Variants in ECRG4 observed in about 807,000 individuals in gnomAD.
The protein encoded by ECRG4 is augurin.
In ECRG4, 18 loss-of-function variants were observed where a neutral mutation model predicts 15.8. The observed-to-expected ratio is 1.14, with a 90% confidence interval of 0.79 to 1.69. The LOEUF (loss-of-function observed/expected upper bound fraction) is 1.69, where lower values mean the gene tolerates loss of function less well. Among genes scored for constraint, ECRG4 ranks in the 40% most tolerant of loss-of-function variants. The pLI is 0.00. For missense variants in ECRG4, 200 were observed against 190.9 expected (o/e 1.05, Z -0.28); for synonymous variants, 82 against 73.9 (o/e 1.11, Z -0.56).
chr2:106,070,564 T>A (rs1676339132), intron 1 of ECRG4, among the ~76,000 whole-genome samples: 1 of 152,232 alleles, frequency 6.6e-6, no homozygotes, highest in South Asian at 2.1e-4. Flanking sequence ...TGTTTATGGA[T>A]ATATTCTTCG....
intron 2 of ECRG4, chr2:106,072,259 G>A (rs62147776): frequency 2.3e-3 from 412 of 180,236 alleles, no homozygotes; most frequent in Non-Finnish European, 3.4e-3. Context: ...GCAGTGTTGC[G>A]GTAGTCCGTG....
intron 1 of ECRG4, among the ~76,000 whole-genome samples, chr2:106,070,013 C>T (rs993172847): frequency 6.6e-6 from 1 of 152,214 alleles, no homozygotes; most frequent in African/African-American, 2.4e-5. Context: ...CCAGCAGACT[C>T]CCAGCTCTCA....
Position 106,073,934 on chromosome 2 carries a change from A to T in ECRG4, c.176A>T (p.Lys59Ile). The T allele has an allele frequency of 3.1e-6, 5 of 1,614,228 alleles. No individual in the cohort carries two copies. The highest frequency in any genetic ancestry group is 4.2e-6 in the Non-Finnish European group (5 of 1,180,040). Residue 59 changes from lysine (K) to isoleucine (I), a missense_variant, in exon 3 of 4, where the codon AAA becomes ATA. Coordinates refer to ENST00000238044, the MANE Select transcript of ECRG4 (RefSeq NM_032411.3). The part of the protein sequence containing the change: ...TKVAVDENKA[K>I]EFLGSLKRQK... ...GTGGCCGTTGATGAGAATAAAGCCAAAGAATTCCTTGGCAGCCTGAAGCGC... is the reference window on the plus strand; with the variant it reads ...GTGGCCGTTGATGAGAATAAAGCCATAGAATTCCTTGGCAGCCTGAAGCGC...
Position 106,078,001 on chromosome 2 carries a change from T to A in ECRG4, c.*75T>A. ...GTATCTCCTAATGCCTTACACTACT[T>A]GGTTTCTGATTTGCTCTATTTCAGC... On this transcript the variant is annotated 3_prime_UTR_variant, in exon 4 of 4. Coordinates refer to ENST00000238044, the MANE Select transcript of ECRG4 (RefSeq NM_032411.3). The A allele has an allele frequency of 7.1e-7, 1 of 1,403,194 alleles. No individual in the cohort carries two copies. The highest frequency in any genetic ancestry group is 2.4e-5 in the Admixed American group (1 of 41,458). 86.9% of individuals were successfully genotyped at this position (1,403,194 alleles called of 1,614,324 possible).
At chr2:106,073,462 C>G (rs999355754) in intron 2 of ECRG4, among the ~76,000 whole-genome samples, 1 of 152,174 alleles carries the variant, frequency 6.6e-6, no homozygotes. Flanking sequence ...GAGCCAAGCA[C>G]AACCCTCTTG....
chr2:106,063,652 G>A (rs546044580), upstream of ECRG4, among the ~76,000 whole-genome samples: 7 of 152,136 alleles, frequency 4.6e-5, no homozygotes, highest in South Asian at 8.3e-4. Context: ...GCGCAATCTC[G>A]GCTCACTGCA....
At chr2:106,074,625 T>C (rs1676447199) in intron 3 of ECRG4, among the ~76,000 whole-genome samples, 1 of 152,172 alleles carries the variant, frequency 6.6e-6, no homozygotes, top group Non-Finnish European at 1.5e-5. Context: ...GATCGTAGGC[T>C]CCCAGCTGGG....
Position 106,077,888 on chromosome 2 carries a change from T to C in ECRG4, c.409T>C (p.Phe137Leu). ...AATTGGTCCCCGGAGCCCCTACGGC[T>C]TTAGGCATGGAGCCAGCGTCAACTA... ...SAIGPRSPYG[F>L]RHGASVNYDD... is the part of the protein sequence containing the mutation. Residue 137 changes from phenylalanine to leucine, a missense_variant, in exon 4 of 4, where the codon TTT becomes CTT. Coordinates refer to ENST00000238044, the MANE Select transcript of ECRG4 (RefSeq NM_032411.3). The C allele has an allele frequency of 6.2e-7, 1 of 1,614,132 alleles. No individual in the cohort carries two copies. Among genetic ancestry groups the C allele is most frequent in the East Asian group, 2.2e-5 (1 of 44,864 alleles).
At chr2:106,065,674 G>C (rs887197928), upstream of ECRG4, 1 of 1,011,216 alleles carries the variant, frequency 9.9e-7, no homozygotes, top group Non-Finnish European at 1.3e-6. Flanking sequence ...CCGCGGCCGC[G>C]CCTGCCCGCT....
chr2:106,063,729 C>T (rs1456056379), upstream of ECRG4, among the ~76,000 whole-genome samples: 5 of 152,148 alleles, frequency 3.3e-5, no homozygotes, highest in African/African-American at 7.2e-5. Context: ...ACTACAGGCA[C>T]GCACCACCAC....
upstream of ECRG4, among the ~76,000 whole-genome samples, chr2:106,065,221 C>G (rs1489330075): frequency 1.3e-5 from 2 of 151,936 alleles, no homozygotes; most frequent in Admixed American, 6.5e-5. Flanking sequence ...AGAAGCAAGG[C>G]CCCCAAGCAG....
At chr2:106,072,183 C>T (rs962630924) in intron 2 of ECRG4, 1 of 291,272 alleles carries the variant, frequency 3.4e-6, no homozygotes, top group South Asian at 8.4e-5. Context: ...ATTTTAGGAC[C>T]ATGGAGCACT....
chr2:106,067,573 G>A (rs922354735), intron 1 of ECRG4, among the ~76,000 whole-genome samples: 7 of 151,824 alleles, frequency 4.6e-5, no homozygotes, highest in African/African-American at 1.2e-4. Context: ...AGGTTCAAGC[G>A]ATTCTCCTAC....
rs1030912339 is a variant in ECRG4, at chr2:106,074,110, C to G, written c.285+67C>G. 24 of 1,574,532 alleles carry G rather than the reference C, an allele frequency of 1.5e-5. No individual in the cohort carries two copies. The African/African-American group carries it at 3.0e-4, about 20-fold the overall frequency. On this transcript the variant is annotated intron_variant, in intron 3 of 3. Coordinates refer to ENST00000238044, the MANE Select transcript of ECRG4 (RefSeq NM_032411.3). ...AGGGTGGCAGGGAGGAGGCCTGGCT[C>G]GGGGAAATAGGAAGCAGAAAATTCA...
At chr2:106,068,529 G>A (rs887598458) in intron 1 of ECRG4, among the ~76,000 whole-genome samples, 2 of 152,164 alleles carry the variant, frequency 1.3e-5, no homozygotes, top group African/African-American at 2.4e-5. Context: ...AAGGTTTGGC[G>A]AGGCTCTCAT....
chr2:106,074,250 T>G, intron 3 of ECRG4: 1 of 585,572 alleles, frequency 1.7e-6, no homozygotes, highest in Non-Finnish European at 2.9e-6. Context: ...CCAGGGTACA[T>G]TCAGGAGGCA....
chr2:106,073,355 C>T (rs111922422), intron 2 of ECRG4, among the ~76,000 whole-genome samples: 1 of 152,220 alleles, frequency 6.6e-6, no homozygotes, highest in Non-Finnish European at 1.5e-5. Context: ...TGTGTCCCAG[C>T]AGCCTGGTGT....
chr2:106,064,755 A>G (rs1676167492), upstream of ECRG4, among the ~76,000 whole-genome samples: 1 of 152,234 alleles, frequency 6.6e-6, no homozygotes, highest in African/African-American at 2.4e-5. Flanking sequence ...TGAGATGGGA[A>G]GACAGGAAAG....
intron 1 of ECRG4, 52 bp from the exon 2 acceptor site, chr2:106,071,792 A>G: frequency 6.6e-7 from 1 of 1,509,696 alleles, no homozygotes; most frequent in Non-Finnish European, 9.1e-7. Context: ...CCTTTGATAA[A>G]TTGAAGGGAG....
Sources: gnomAD v4.1 joint callset for allele counts (sites outside exome capture counted in the v4.1 genomes callset) on GRCh38, gnomAD v4.1.1 for gene constraint, MANE v1.5 for transcripts, NCBI Gene and HGNC (gene_info 2026-07-23, HGNC 2026-07-21) for gene names.